The following DOCK2 variants were observed in gnomAD, a reference collection of about 807,000 sequenced individuals.
The protein encoded by DOCK2 is dedicator of cytokinesis 2, also known as dedicator of cytokinesis protein 2.
Under a neutral mutation model 248.9 loss-of-function variants are expected in DOCK2, and 87 were observed. The observed-to-expected ratio is 0.35, with a 90% CI of 0.29 to 0.42. The LOEUF (loss-of-function observed/expected upper bound fraction) is 0.42. Among genes scored for constraint, DOCK2 ranks in the 10% least tolerant of loss-of-function variants. The probability of loss-of-function intolerance (pLI) is 1.00; values close to 1 mark genes in which losing one functional copy is unlikely to be tolerated. For missense variants in DOCK2, 1,747 were observed against 2,300.2 expected (o/e 0.76, Z 4.92); for synonymous variants, 805 against 821.6 (o/e 0.98, Z 0.35).
intron 22 of DOCK2, among the ~76,000 whole-genome samples, chr5:169,722,909 G>A (rs1762284575): frequency 6.6e-6 from 1 of 152,120 alleles, no homozygotes; most frequent in Non-Finnish European, 1.5e-5. Flanking sequence ...AGGTGTCTGT[G>A]CTTTTTGAGG....
At chr5:169,699,581 GA>G in intron 12 of DOCK2, 123 bp downstream of exon 12, 1 of 915,884 alleles carries the variant, frequency 1.1e-6, no homozygotes, top group African/African-American at 1.7e-5. Flanking sequence ...AGACCACTGG[GA>G]AGAATGGGAA....
At position 170,045,915 on chromosome 5, in the gene DOCK2, C is replaced by A; in HGVS notation, c.3966+10C>A. On this transcript the variant is annotated intron_variant, in intron 39 of 51. Transcript: ENST00000520908. ...GCTCAGCCAGAACCTGGTAAGGCATCCCCTGGGAAGGCTGAATGCCCTGCA... is the reference window on the plus strand; with the variant it reads ...GCTCAGCCAGAACCTGGTAAGGCATACCCTGGGAAGGCTGAATGCCCTGCA... The A allele has an allele frequency of 6.2e-7, 1 of 1,613,946 alleles. No individual in the cohort carries two copies. Among genetic ancestry groups the A allele is most frequent in the South Asian group, 1.1e-5 (1 of 91,082 alleles).
At chr5:170,025,454 T>C (rs577105569) in intron 33 of DOCK2, among the ~76,000 whole-genome samples, 17 of 152,304 alleles carry the variant, frequency 1.1e-4, no homozygotes, top group Non-Finnish European at 2.2e-4. Flanking sequence ...CAGTCCCTGA[T>C]CTAAATCCTG....
At chr5:170,025,488 C>T (rs745568324) in intron 33 of DOCK2, among the ~76,000 whole-genome samples, 39 of 152,190 alleles carry the variant, frequency 2.6e-4, no homozygotes, top group Non-Finnish European at 4.7e-4. Context: ...GAAAGACCTA[C>T]CAGCTTTCCC....
intron 22 of DOCK2, among the ~76,000 whole-genome samples, chr5:169,729,507 A>G (rs1332449778): frequency 1.3e-5 from 2 of 152,178 alleles, no homozygotes; most frequent in African/African-American, 2.4e-5. Flanking sequence ...CAGGAGAGAC[A>G]TATAGCCTGC....
intron 27 of DOCK2, among the ~76,000 whole-genome samples, chr5:169,934,489 A>C (rs1181270286): frequency 6.6e-6 from 1 of 152,196 alleles, no homozygotes; most frequent in African/African-American, 2.4e-5. Context: ...GCATGCACAT[A>C]TGCTAGGAGA....
At chr5:169,704,702 G>T (rs1434564277) in intron 14 of DOCK2, among the ~76,000 whole-genome samples, 10 of 151,454 alleles carry the variant, frequency 6.6e-5, no homozygotes, top group African/African-American at 2.4e-4. Flanking sequence ...CATCTTCCAT[G>T]ATGTGATTTT....
chr5:170,076,387 A>G (rs1469875669), intron 47 of DOCK2, among the ~76,000 whole-genome samples: 1 of 152,218 alleles, frequency 6.6e-6, no homozygotes, highest in Non-Finnish European at 1.5e-5. Flanking sequence ...GCCTGATTCA[A>G]GCACTTGACA....
chr5:169,783,575 C>T (rs1237578230), intron 25 of DOCK2, among the ~76,000 whole-genome samples: 2 of 151,924 alleles, frequency 1.3e-5, no homozygotes, highest in African/African-American at 4.8e-5. Flanking sequence ...TTTAATTATT[C>T]ATTAATAATT....
intron 27 of DOCK2, among the ~76,000 whole-genome samples, chr5:169,937,113 GT>G (rs1443273475): frequency 2.0e-5 from 3 of 152,180 alleles, no homozygotes; most frequent in Non-Finnish European, 2.9e-5. Context: ...CCAGCTGCCT[GT>G]TTTTGTAAAT....
intron 25 of DOCK2, among the ~76,000 whole-genome samples, chr5:169,797,277 G>A (rs1242705291): frequency 6.6e-6 from 1 of 152,208 alleles, no homozygotes; most frequent in Non-Finnish European, 1.5e-5. Flanking sequence ...CTGGATTGTG[G>A]CTGTGATTGC....
chr5:169,958,323 C>T (rs192081004), intron 27 of DOCK2, among the ~76,000 whole-genome samples: 154 of 152,246 alleles, frequency 1.0e-3, no homozygotes, highest in African/African-American at 3.7e-3. Context: ...CCTTCCTTCT[C>T]CATTCTAAGC....
At chr5:170,035,181 A>C (rs534900962) in intron 35 of DOCK2, among the ~76,000 whole-genome samples, 161 of 152,212 alleles carry the variant, frequency 1.1e-3, no homozygotes, top group African/African-American at 3.7e-3. Flanking sequence ...CCTCTCTCAC[A>C]CGCTCTGTGA....
chr5:170,015,053 G>A (rs1187844229), intron 32 of DOCK2, among the ~76,000 whole-genome samples: 1 of 152,110 alleles, frequency 6.6e-6, no homozygotes, highest in Admixed American at 6.5e-5. Flanking sequence ...AAAATGACCA[G>A]CCTGAAAATT....
At chr5:169,971,296 C>T (rs574117680) in intron 27 of DOCK2, among the ~76,000 whole-genome samples, 71 of 152,154 alleles carry the variant, frequency 4.7e-4, no homozygotes, top group African/African-American at 1.5e-3. Flanking sequence ...GCCAGCCTGC[C>T]GGGGAGCTGG....
chr5:169,658,274 A>T (rs978162292), intron 2 of DOCK2, among the ~76,000 whole-genome samples: 2 of 151,856 alleles, frequency 1.3e-5, no homozygotes, highest in African/African-American at 4.8e-5. Context: ...AGGTCAGGAG[A>T]TCGAGACCCT....
intron 27 of DOCK2, among the ~76,000 whole-genome samples, chr5:169,888,526 A>G (rs528308236): frequency 1.8e-4 from 27 of 152,346 alleles, no homozygotes; most frequent in African/African-American, 5.5e-4. Flanking sequence ...TTCAGTAGAT[A>G]CAGAAACATT....
At chr5:170,027,109 C>T (rs1427119048) in intron 33 of DOCK2, among the ~76,000 whole-genome samples, 1 of 152,002 alleles carries the variant, frequency 6.6e-6, no homozygotes, top group Non-Finnish European at 1.5e-5. Flanking sequence ...TCATTGTGGT[C>T]AGCAGCAGCC....
At chr5:170,053,061 T>C (rs1334594109) in intron 41 of DOCK2, among the ~76,000 whole-genome samples, 1 of 152,206 alleles carries the variant, frequency 6.6e-6, no homozygotes. Flanking sequence ...AGCCAAAGTC[T>C]CTTTGTAGGG....
Sources: allele counts gnomAD v4.1 joint callset (sites outside exome capture counted in the v4.1 genomes callset), GRCh38; gene constraint gnomAD v4.1.1; transcripts MANE v1.5; gene names NCBI Gene and HGNC (gene_info 2026-07-23, HGNC 2026-07-21).